Variants in BCOR observed in about 807,000 individuals in gnomAD.
The protein encoded by BCOR is BCL6 corepressor.
A neutral mutation model predicts 86.7 loss-of-function variants in BCOR; 10 were observed. The observed-to-expected ratio is 0.12, with a 90% confidence interval of 0.07 to 0.20. The LOEUF (loss-of-function observed/expected upper bound fraction) is 0.20. BCOR is among the 10% of genes least tolerant of loss of function. BCOR has a pLI of 1.00. For synonymous variants in BCOR, 611 were observed against 609.0 expected (o/e 1.00, Z -0.05); for missense variants, 1,259 against 1,452.1 (o/e 0.87, Z 2.16).
In BCOR at chrX:40,074,635, G is replaced by A. The variant is rs727503827; in HGVS notation, c.711C>T (p.Val237=). Residue 237 remains valine, a synonymous_variant, in exon 4 of 15, where the codon GTC becomes GTT. Coordinates refer to ENST00000378444, the MANE Select transcript of BCOR (RefSeq NM_001123385.2). The stretch of plus-strand genomic sequence containing the variant: ...AGAGAAAGCGCTCCCCATTGGTGCA[G>A]ACTGGAGAATACAGCGGCTGGGCCA... ...YSLAQPLYSP[V]CTNGERFLYL... The A allele has an allele frequency of 1.5e-4, 185 of 1,210,826 alleles. 1 individual carries two copies. The East Asian group carries it at 5.4e-3, about 36-fold the overall frequency.
intron 1 of BCOR, among the ~76,000 whole-genome samples, chrX:40,119,732 C>T (rs1937454924): frequency 9.0e-6 from 1 of 110,878 alleles, no homozygotes; most frequent in African/African-American, 3.3e-5. Flanking sequence ...GCAGGTTGAT[C>T]TGGAAGCTGG....
At chrX:40,070,545 G>T (rs984848759) in intron 6 of BCOR, among the ~76,000 whole-genome samples, 2 of 111,652 alleles carry the variant, frequency 1.8e-5, no homozygotes, top group African/African-American at 6.5e-5. Flanking sequence ...ACGGTAAATC[G>T]TAACGCTCAT....
In BCOR at chrX:40,053,902, C is replaced by T; in HGVS notation, c.4960G>A (p.Val1654Ile). 8.3e-7 allele frequency: 1 copy of T among 1,211,425 alleles called. No individual in the cohort carries two copies. Among genetic ancestry groups the T allele is most frequent in the South Asian group, 1.8e-5 (1 of 56,903 alleles). Residue 1654 changes from valine (V) to isoleucine (I), a missense_variant, in exon 14 of 15, where the codon GTA becomes ATA. Physicochemically the swap from Val to Ile is conservative, Grantham distance 29. Around this residue, in one of 7 missense-constraint regions of BCOR, gnomAD observed 137 missense variants for 149.8 expected, o/e 0.91. Transcript: ENST00000378444. ...CATGCTCACCCCTGAGCCACAGATA[C>T]TTGGATGTTATAACACGGTAAGAGG... ...TPLLPCYNIQ[V>I]SVAQGPRNWL... is the part of the protein sequence containing the mutation.
chrX:40,151,783 G>T (rs1487244763), intron 1 of BCOR, among the ~76,000 whole-genome samples: 1 of 112,501 alleles, frequency 8.9e-6, no homozygotes, highest in Non-Finnish European at 1.9e-5. Context: ...AGAGCGAGAC[G>T]GCGGCCCCGC....
intron 1 of BCOR, among the ~76,000 whole-genome samples, chrX:40,119,326 G>A (rs976469514): frequency 1.0e-4 from 11 of 107,344 alleles, no homozygotes; most frequent in Middle Eastern, 4.7e-3. Flanking sequence ...GTGCAGTGGC[G>A]CTTTGCCTAT....
rs190717058 is a variant in BCOR at position 40,057,090 on chromosome X, C to T, written c.4595+65G>A. 3.5e-6 allele frequency: 4 copies of T among 1,149,102 alleles called. No homozygotes were observed. The East Asian group carries it at 9.0e-5, about 26-fold the overall frequency. The allele number at this position is 1,149,102 out of a possible 1,213,427, so 94.7% of individuals were successfully genotyped here. A position where few individuals can be genotyped will look rare whatever the true frequency, so the allele number is the denominator to read the frequency against. ...AATTTCCCGTATACACTGAGAACCA[C>T]CACCGCACAGATAGGGAAGCTTGGT... On this transcript the variant is annotated intron_variant, in intron 11 of 14. Coordinates refer to ENST00000378444, the MANE Select transcript of BCOR (RefSeq NM_001123385.2).
intron 1 of BCOR, among the ~76,000 whole-genome samples, chrX:40,118,417 C>T (rs1032739719): frequency 9.1e-6 from 1 of 110,069 alleles, no homozygotes; most frequent in African/African-American, 3.3e-5. Context: ...CGCCCACCGC[C>T]GCACCTGGCT....
chrX:40,175,276 C>T (rs1938719595), intron 1 of BCOR, among the ~76,000 whole-genome samples: 1 of 113,406 alleles, frequency 8.8e-6, no homozygotes, highest in Admixed American at 9.2e-5. Context: ...CCCGGCTGGC[C>T]CCGCGCGCGT....
chrX:40,094,092 G>A (rs1022971535), intron 1 of BCOR, among the ~76,000 whole-genome samples: 1 of 111,335 alleles, frequency 9.0e-6, no homozygotes, highest in African/African-American at 3.3e-5. Context: ...ATTTCCACTA[G>A]GCTCTTTGCC....
intron 1 of BCOR, among the ~76,000 whole-genome samples, chrX:40,119,048 G>A (rs371336709): frequency 8.9e-6 from 1 of 111,822 alleles, no homozygotes; most frequent in African/African-American, 3.3e-5. Flanking sequence ...GGCCAGGCTG[G>A]TCTCAAACTC....
At chrX:40,149,075 C>G (rs901563241) in intron 1 of BCOR, among the ~76,000 whole-genome samples, 1 of 109,439 alleles carries the variant, frequency 9.1e-6, no homozygotes, top group Non-Finnish European at 1.9e-5. Flanking sequence ...GCCGGCCCCC[C>G]ACCAGCCTGC....
intron 10 of BCOR, among the ~76,000 whole-genome samples, chrX:40,059,322 G>A (rs961843885): frequency 4.5e-5 from 5 of 112,349 alleles, no homozygotes; most frequent in African/African-American, 1.6e-4. Flanking sequence ...AACACTCAAG[G>A]AAGTTGAGGC....
At chrX:40,099,237 G>A (rs1187519973), upstream of BCOR, among the ~76,000 whole-genome samples, 1 of 112,333 alleles carries the variant, frequency 8.9e-6, no homozygotes, top group East Asian at 2.8e-4. Flanking sequence ...CAGGCGGGAG[G>A]GAGGGGGAAG....
At chrX:40,133,572 G>C (rs1937626861) in intron 1 of BCOR, among the ~76,000 whole-genome samples, 1 of 109,621 alleles carries the variant, frequency 9.1e-6, no homozygotes, top group Non-Finnish European at 1.9e-5. Flanking sequence ...CCATTCTCTT[G>C]CCTCAGCCTG....
chrX:40,063,165 C>G lies in BCOR; in HGVS notation c.3848-94G>C. ...TTGTAGCCAGTGCAGGAAGAAAAGCCCATTGTTAACACTGATCACTGGAGC... is the reference window on the plus strand; with the variant it reads ...TTGTAGCCAGTGCAGGAAGAAAAGCGCATTGTTAACACTGATCACTGGAGC... On this transcript the variant is annotated intron_variant, in intron 8 of 14. Coordinates refer to ENST00000378444, the MANE Select transcript of BCOR (RefSeq NM_001123385.2). 10 of 621,974 alleles carry G rather than the reference C, an allele frequency of 1.6e-5. No homozygotes were observed. The South Asian group carries it at 3.0e-4, about 19-fold the overall frequency. 51.3% of individuals were successfully genotyped at this position (621,974 alleles called of 1,213,427 possible).
chrX:40,077,155 A>T (rs1031162918), intron 2 of BCOR: 4 of 178,757 alleles, frequency 2.2e-5, no homozygotes, highest in African/African-American at 1.3e-4. Context: ...AGGAAGCTGC[A>T]CATCTGTGCC....
At chrX:40,154,277 G>A (rs186754368) in intron 1 of BCOR, among the ~76,000 whole-genome samples, 4,687 of 94,484 alleles carry the variant, frequency 0.05, 150 homozygotes, top group Admixed American at 0.13. Flanking sequence ...CCAGGAACCG[G>A]GAAGAGAAAG....
At chrX:40,157,102 C>T (rs1162317107) in intron 1 of BCOR, among the ~76,000 whole-genome samples, 2 of 113,393 alleles carry the variant, frequency 1.8e-5, no homozygotes, top group African/African-American at 6.4e-5. Context: ...CCCCAGCTCA[C>T]GGAGGCCTGG....
At chrX:40,121,215 G>A (rs1937480288) in intron 1 of BCOR, among the ~76,000 whole-genome samples, 1 of 112,017 alleles carries the variant, frequency 8.9e-6, no homozygotes, top group Non-Finnish European at 1.9e-5. Context: ...CTGCCCCTCA[G>A]ACCTTGGCTC....
Sources: gnomAD v4.1 joint callset for allele counts (sites outside exome capture counted in the v4.1 genomes callset) on GRCh38, gnomAD v4.1.1 for gene constraint, gnomAD v4.1.1 regional missense constraint, MANE v1.5 for transcripts, NCBI Gene and HGNC (gene_info 2026-07-23, HGNC 2026-07-21) for gene names.